Variants in MOB3B observed in about 807,000 individuals in gnomAD.
The protein encoded by MOB3B is MOB kinase activator-like 2B.
In MOB3B, 7 loss-of-function variants were observed where a neutral mutation model predicts 18.7. The ratio of observed to expected loss-of-function variants is 0.37; its 90% confidence interval spans 0.21 to 0.70. The LOEUF is 0.70. Ranked by LOEUF, MOB3B falls within the 30% of genes least tolerant of loss-of-function variation. The probability of loss-of-function intolerance (pLI) is 0.52; values close to 1 mark genes in which losing one functional copy is unlikely to be tolerated. For synonymous variants in MOB3B, 111 were observed against 99.9 expected, an observed-to-expected ratio of 1.11 and a Z score of -0.66; for missense variants, 253 against 281.3, an observed-to-expected ratio of 0.90 and a Z score of 0.72.
intron 2 of MOB3B, among the ~76,000 whole-genome samples, chr9:27,400,033 T>C (rs1821854979): frequency 6.6e-6 from 1 of 152,156 alleles, no homozygotes. Context: ...ACTTCTCCCC[T>C]GGAAATTACA....
chr9:27,521,121 T>A (rs1820318018), intron 1 of MOB3B, among the ~76,000 whole-genome samples: 1 of 152,170 alleles, frequency 6.6e-6, no homozygotes, highest in Non-Finnish European at 1.5e-5. Flanking sequence ...CCTAAAACAC[T>A]CAGAACATGC....
intron 1 of MOB3B, among the ~76,000 whole-genome samples, chr9:27,482,226 A>C (rs1195244630): frequency 6.6e-6 from 1 of 152,206 alleles, no homozygotes; most frequent in Non-Finnish European, 1.5e-5. Context: ...AAGAGACCTA[A>C]CATTAAAGGA....
chr9:27,475,961 G>A (rs937748818), intron 1 of MOB3B, among the ~76,000 whole-genome samples: 3 of 152,170 alleles, frequency 2.0e-5, no homozygotes, highest in African/African-American at 7.2e-5. Context: ...AAAGATATAA[G>A]TGAAATCAGG....
At chr9:27,412,909 T>C (rs1414358811) in intron 2 of MOB3B, among the ~76,000 whole-genome samples, 1 of 152,192 alleles carries the variant, frequency 6.6e-6, no homozygotes, top group Non-Finnish European at 1.5e-5. Context: ...GACGTCACAG[T>C]TGATAGGAAC....
intron 1 of MOB3B, among the ~76,000 whole-genome samples, chr9:27,466,080 C>T (rs1353760841): frequency 6.6e-6 from 1 of 152,214 alleles, no homozygotes; most frequent in African/African-American, 2.4e-5. Context: ...TTCTTTTCTA[C>T]TGCATCGTCA....
chr9:27,520,871 C>T (rs775592708), intron 1 of MOB3B, among the ~76,000 whole-genome samples: 4 of 152,164 alleles, frequency 2.6e-5, no homozygotes, highest in Non-Finnish European at 4.4e-5. Context: ...CCAGTTAAAT[C>T]TGAATTTCAG....
chr9:27,373,013 T>C (rs138586966), intron 2 of MOB3B, among the ~76,000 whole-genome samples: 46 of 152,352 alleles, frequency 3.0e-4, no homozygotes, highest in African/African-American at 1.1e-3. Flanking sequence ...AATGTTTATA[T>C]TAAGAGTTTA....
At chr9:27,501,810 T>C (rs572168383) in intron 1 of MOB3B, among the ~76,000 whole-genome samples, 5 of 151,208 alleles carry the variant, frequency 3.3e-5, no homozygotes, top group Non-Finnish European at 7.4e-5. Flanking sequence ...GGGATCTACA[T>C]GAGCAATTTA....
In MOB3B at chr9:27,382,717, G is replaced by GATATATATAT. The variant is rs57101091; in HGVS notation, c.419-23491_419-23482dup. ...CTGGTGTGAAATGAGAGGTGAAGGT[G>GATATATATAT]ATATATATATATATATATATCCATC... On this transcript the variant is annotated intron_variant, in intron 2 of 3. Transcript: ENST00000262244. Among the ~76,000 whole-genome samples the GATATATATAT allele has an allele frequency of 3.2e-3, 478 of 148,040 alleles. 5 individuals are homozygous for GATATATATAT. Among genetic ancestry groups the GATATATATAT allele is most frequent in the East Asian group, 0.013 (64 of 4,916 alleles).
intron 1 of MOB3B, chr9:27,524,982 T>C (rs41272879): frequency 0.03 from 46,774 of 1,533,988 alleles, 874 homozygotes; most frequent in African/African-American, 0.044. Context: ...GGAATTAAAA[T>C]TCCTTTTCCC....
chr9:27,401,841 A>G (rs1413848398), intron 2 of MOB3B, among the ~76,000 whole-genome samples: 1 of 152,218 alleles, frequency 6.6e-6, no homozygotes, highest in African/African-American at 2.4e-5. Flanking sequence ...ATTTTGAAAC[A>G]TGAGTAACCA....
At chr9:27,340,743 C>A (rs1162241274) in intron 3 of MOB3B, among the ~76,000 whole-genome samples, 1 of 152,208 alleles carries the variant, frequency 6.6e-6, no homozygotes, top group African/African-American at 2.4e-5. Context: ...ATCAAAGGAG[C>A]CTGTGATTTC....
chr9:27,376,192 A>G (rs546151100), intron 2 of MOB3B, among the ~76,000 whole-genome samples: 1 of 152,360 alleles, frequency 6.6e-6, no homozygotes, highest in East Asian at 1.9e-4. Flanking sequence ...TAACCATCAC[A>G]CAGACTCAGC....
intron 3 of MOB3B, among the ~76,000 whole-genome samples, chr9:27,334,148 AT>A (rs1801027859): frequency 6.6e-6 from 1 of 152,254 alleles, no homozygotes; most frequent in Admixed American, 6.5e-5. Flanking sequence ...TGTATGATGC[AT>A]ATTTTATTCA....
chr9:27,451,690 A>G (rs188412673), intron 2 of MOB3B, among the ~76,000 whole-genome samples: 25 of 152,316 alleles, frequency 1.6e-4, no homozygotes, highest in Admixed American at 1.6e-3. Context: ...CAGTATTCAA[A>G]GCTGTAATTC....
At chr9:27,525,119 G>C (rs936632100) in intron 1 of MOB3B, among the ~76,000 whole-genome samples, 4 of 152,142 alleles carry the variant, frequency 2.6e-5, no homozygotes, top group African/African-American at 9.7e-5. Flanking sequence ...TCTAAGGAGA[G>C]GTAATGCCAA....
chr9:27,349,131 T>C (rs1451264579), intron 3 of MOB3B, among the ~76,000 whole-genome samples: 2 of 152,258 alleles, frequency 1.3e-5, no homozygotes, highest in Non-Finnish European at 2.9e-5. Flanking sequence ...TAGGACTCTA[T>C]TAGCACCAAC....
intron 1 of MOB3B, among the ~76,000 whole-genome samples, chr9:27,472,113 T>G (rs1451909265): frequency 2.6e-5 from 4 of 152,122 alleles, no homozygotes; most frequent in Admixed American, 6.5e-5. Context: ...TGCATGGAAA[T>G]AGTTATCTTG....
At chr9:27,351,183 G>A (rs200191579) in intron 3 of MOB3B, among the ~76,000 whole-genome samples, 2 of 152,210 alleles carry the variant, frequency 1.3e-5, no homozygotes, top group African/African-American at 2.4e-5. Context: ...GATTACAGGC[G>A]TGAGCCACCA....
Sources: allele counts gnomAD v4.1 joint callset (sites outside exome capture counted in the v4.1 genomes callset), GRCh38; gene constraint gnomAD v4.1.1; transcripts MANE v1.5; gene names NCBI Gene and HGNC (gene_info 2026-07-23, HGNC 2026-07-21).